The following AXDND1 variants were observed in gnomAD, a reference collection of about 807,000 sequenced individuals.
AXDND1 encodes axonemal dynein light chain domain-containing protein 1.
A neutral mutation model predicts 137.5 loss-of-function variants in AXDND1; 110 were observed. The observed-to-expected ratio is 0.80, with a 90% CI of 0.69 to 0.94. AXDND1 has a LOEUF of 0.94. Among genes scored for constraint, AXDND1 ranks in the 40% least tolerant of loss-of-function variants. The pLI is 0.00. For missense variants in AXDND1, 1,191 were observed against 1,169.8 expected (o/e 1.02, Z -0.26); for synonymous variants, 414 against 399.7 (o/e 1.04, Z -0.43).
chr1:179,481,238 G>A (rs1409346133), intron 17 of AXDND1, among the ~76,000 whole-genome samples: 2 of 152,000 alleles, frequency 1.3e-5, no homozygotes, highest in Non-Finnish European at 2.9e-5. Context: ...GCGATGTTTG[G>A]TTTTTTGTCC....
rs189412821 is a variant in AXDND1 at position 179,485,551 on chromosome 1, G to A, written c.2091+2330G>A. 4.9e-4 allele frequency among the ~76,000 whole-genome samples: 74 copies of A among 152,256 alleles called. 1 individual carries two copies. Among genetic ancestry groups the A allele is most frequent in the Non-Finnish European group, 2.4e-4 (16 of 68,024 alleles). The stretch of plus-strand genomic sequence containing the variant: ...CAAAAGAAAATGCATTCTAAGGACA[G>A]CAACTTCAAAGACTGAAGGAACATC... On this transcript the variant is annotated intron_variant, in intron 18 of 25. Transcript: ENST00000367618.
At chr1:179,500,450 T>C (rs911582375) in intron 20 of AXDND1, among the ~76,000 whole-genome samples, 1 of 151,484 alleles carries the variant, frequency 6.6e-6, no homozygotes, top group Non-Finnish European at 1.5e-5. Flanking sequence ...TTCAAAATTA[T>C]AAAGTACTTA....
rs773761120 is a variant in AXDND1, at chr1:179,370,005, T to G, written c.301T>G (p.Trp101Gly). ...GTLPRLVDHVWHHPVRRNKFK... is the reference protein window; with the variant it reads ...GTLPRLVDHVGHHPVRRNKFK... ...TCTTCCACGCCTTGTAGACCATGTC[T>G]GGCATCACCCTGTTCGAAGGAATAA... Residue 101 changes from tryptophan to glycine, a missense_variant, in exon 4 of 26, where the codon TGG becomes GGG. Transcript: ENST00000367618. 6 of 1,614,114 alleles carry G rather than the reference T, an allele frequency of 3.7e-6. No individual in the cohort carries two copies. Among genetic ancestry groups the G allele is most frequent in the Non-Finnish European group, 5.1e-6 (6 of 1,179,996 alleles).
chr1:179,509,003 TAGG>T (rs1668780613), intron 20 of AXDND1, among the ~76,000 whole-genome samples: 1 of 152,158 alleles, frequency 6.6e-6, no homozygotes, highest in South Asian at 2.1e-4. Context: ...TAAAATTTAT[TAGG>T]AGGCCATTTA....
intron 12 of AXDND1, among the ~76,000 whole-genome samples, chr1:179,421,502 G>A (rs1655727907): frequency 6.7e-6 from 1 of 148,932 alleles, no homozygotes; most frequent in Admixed American, 6.8e-5. Flanking sequence ...TTGTGCCTCA[G>A]CCTCCTGAGT....
intron 17 of AXDND1, among the ~76,000 whole-genome samples, chr1:179,471,415 T>A (rs1421241433): frequency 6.6e-6 from 1 of 152,226 alleles, no homozygotes; most frequent in Non-Finnish European, 1.5e-5. Context: ...ATTGTCTATT[T>A]CTTATTGAAT....
chr1:179,421,597 T>C (rs2125272244), intron 12 of AXDND1, among the ~76,000 whole-genome samples: 1 of 150,770 alleles, frequency 6.6e-6, no homozygotes, highest in Non-Finnish European at 1.5e-5. Context: ...TTGGCCAGGC[T>C]GGTCTTAAAC....
In AXDND1 at chr1:179,509,332, C is replaced by T. The variant is rs1304299360; in HGVS notation, c.2425C>T (p.Leu809Phe). Residue 809 changes from leucine to phenylalanine, a missense_variant, in exon 21 of 26, where the codon CTC becomes TTC. Transcript: ENST00000367618. ...CYEWINTCSCLLSNIKGRKIT... is the reference protein window; with the variant it reads ...CYEWINTCSCFLSNIKGRKIT... ...TGAATGGATCAACACATGCTCTTGC[C>T]TCCTTTCTAATATCAAAGGCAGAAA... 2 of 1,612,522 alleles carry T rather than the reference C, an allele frequency of 1.2e-6. No homozygotes were observed. Among genetic ancestry groups the T allele is most frequent in the Non-Finnish European group, 1.7e-6 (2 of 1,179,038 alleles).
At chr1:179,525,529 C>G (rs1277472785) in intron 22 of AXDND1, 82 bp downstream of exon 22, 42 of 1,442,042 alleles carry the variant, frequency 2.9e-5, no homozygotes, top group Non-Finnish European at 3.5e-5. Context: ...CAGGGTCCTG[C>G]CCTGTCACCC....
At chr1:179,424,809 C>T (rs1656320519) in intron 12 of AXDND1, among the ~76,000 whole-genome samples, 1 of 152,150 alleles carries the variant, frequency 6.6e-6, no homozygotes, top group Non-Finnish European at 1.5e-5. Flanking sequence ...ATTCTTTCCT[C>T]TTCTTGATGC....
intron 16 of AXDND1, among the ~76,000 whole-genome samples, chr1:179,460,602 G>C (rs77657180): frequency 0.54 from 82,136 of 151,874 alleles, 22,415 homozygotes; most frequent in African/African-American, 0.61. Context: ...ATTTCTAGTT[G>C]TAGATCCTTG....
At position 179,433,893 on chromosome 1, in the gene AXDND1, C is replaced by G. The variant is rs139928117; in HGVS notation, c.1563+1551C>G. On this transcript the variant is annotated intron_variant, in intron 15 of 25. Coordinates refer to ENST00000367618, the MANE Select transcript of AXDND1 (RefSeq NM_144696.6). ...GATCTACTTGATCCAGAGCTGAGTT[C>G]AAGTCCGAAATATCCTTGTTAATTT... Among the ~76,000 whole-genome samples the G allele has an allele frequency of 5.3e-3, 804 of 152,260 alleles. 9 individuals carry two copies. The highest frequency in any genetic ancestry group is 0.019 in the African/African-American group (780 of 41,550).
At chr1:179,374,024 C>A (rs1668320582) in intron 4 of AXDND1, among the ~76,000 whole-genome samples, 1 of 152,036 alleles carries the variant, frequency 6.6e-6, no homozygotes. Context: ...AAAAAATTAC[C>A]ATCAGAGTGA....
At position 179,494,097 on chromosome 1, in the gene AXDND1, G is replaced by A. The variant is rs374379053; in HGVS notation, c.2388+1146G>A. Among the ~76,000 whole-genome samples, 32 of 152,088 alleles carry A rather than the reference G, an allele frequency of 2.1e-4. No individual in the cohort carries two copies. The South Asian group carries it at 3.1e-3, about 15-fold the overall frequency. On this transcript the variant is annotated intron_variant, in intron 20 of 25. Transcript: ENST00000367618. ...CTCCTGAATACCTGGGACTACAGGCGTGCACCACTATGCCGGGCTAATTTT... is the reference window on the plus strand; with the variant it reads ...CTCCTGAATACCTGGGACTACAGGCATGCACCACTATGCCGGGCTAATTTT...
chr1:179,465,495 A>T (rs1662999618), intron 16 of AXDND1, among the ~76,000 whole-genome samples: 1 of 152,166 alleles, frequency 6.6e-6, no homozygotes, highest in Admixed American at 6.5e-5. Flanking sequence ...CTCGTCTCAG[A>T]GGGGCACCTG....
Position 179,394,176 on chromosome 1 carries a change from G to T in AXDND1, c.1004+133G>T, listed in dbSNP as rs78853507. The T allele has an allele frequency of 5.5e-3, 4,763 of 870,030 alleles. 127 individuals are homozygous for T. In the Admixed American group the frequency reaches 0.062, roughly 11 times the overall value. The allele number at this position is 870,030 out of a possible 1,614,324, so 53.9% of individuals were successfully genotyped here. ...TGTTTCCTTTTCATGTTTAGCAAGA[G>T]AACAAAAAGAACTAGATGTCATTGT... On this transcript the variant is annotated intron_variant, in intron 10 of 25. Transcript: ENST00000367618.
At chr1:179,406,357 AT>A (rs1652973710) in intron 11 of AXDND1, among the ~76,000 whole-genome samples, 1 of 152,166 alleles carries the variant, frequency 6.6e-6, no homozygotes, top group African/African-American at 2.4e-5. Context: ...TGTTTTGTAA[AT>A]TCCTGTAATG....
chr1:179,470,124 T>C (rs962722451), intron 17 of AXDND1, among the ~76,000 whole-genome samples: 3 of 152,164 alleles, frequency 2.0e-5, no homozygotes, highest in African/African-American at 7.2e-5. Context: ...TGAAAATCAG[T>C]CATGGATTTA....
chr1:179,446,499 T>C (rs1659744000), intron 16 of AXDND1, among the ~76,000 whole-genome samples: 1 of 152,238 alleles, frequency 6.6e-6, no homozygotes, highest in South Asian at 2.1e-4. Context: ...GTCTCCTTGG[T>C]ACACTGTGTC....
Sources: gnomAD v4.1 joint callset for allele counts (sites outside exome capture counted in the v4.1 genomes callset) on GRCh38, gnomAD v4.1.1 for gene constraint, MANE v1.5 for transcripts, NCBI Gene and HGNC (gene_info 2026-07-23, HGNC 2026-07-21) for gene names.